The following RTN4IP1 variants were observed in gnomAD, a reference collection of about 807,000 sequenced individuals.
RTN4IP1 encodes NAD(P)H oxidoreductase RTN4IP1, mitochondrial.
Under a neutral mutation model 46.6 loss-of-function variants are expected in RTN4IP1, and 32 were observed. That is an observed-to-expected ratio of 0.69 (90% CI 0.52 to 0.92). The LOEUF is 0.92. Among genes scored for constraint, RTN4IP1 ranks in the 40% least tolerant of loss-of-function variants. RTN4IP1 has a pLI of 0.00. For missense variants in RTN4IP1, 424 were observed against 485.8 expected, an observed-to-expected ratio of 0.87 and a Z score of 1.20; for synonymous variants, 167 against 161.8, an observed-to-expected ratio of 1.03 and a Z score of -0.24.
intron 4 of RTN4IP1, among the ~76,000 whole-genome samples, chr6:106,617,587 C>A (rs1448175649): frequency 6.6e-6 from 1 of 152,098 alleles, no homozygotes; most frequent in African/African-American, 2.4e-5. Context: ...CAGTTCCAGG[C>A]CATTGTTGCT....
chr6:106,577,674 A>T (rs1775262864), intron 8 of RTN4IP1, among the ~76,000 whole-genome samples: 1 of 152,122 alleles, frequency 6.6e-6, no homozygotes, highest in Non-Finnish European at 1.5e-5. Flanking sequence ...TGCTGGTGTG[A>T]TTAAGTTAAG....
intron 4 of RTN4IP1, among the ~76,000 whole-genome samples, chr6:106,609,253 T>C (rs2114664547): frequency 6.6e-6 from 1 of 152,342 alleles, no homozygotes; most frequent in East Asian, 1.9e-4. Context: ...TCAAAGTTTC[T>C]TGACTTTCAA....
At chr6:106,620,438 G>A (rs550038267) in intron 3 of RTN4IP1, among the ~76,000 whole-genome samples, 1 of 152,102 alleles carries the variant, frequency 6.6e-6, no homozygotes, top group Admixed American at 6.5e-5. Context: ...AAGGCTTCTG[G>A]GCAACAGTAG....
chr6:106,590,643 AG>A lies in RTN4IP1; in HGVS notation c.806+1520del, dbSNP rs1427548872. 2.0e-4 allele frequency among the ~76,000 whole-genome samples: 29 copies of A among 145,476 alleles called. 1 individual carries two copies. The highest frequency in any genetic ancestry group is 4.5e-5 in the Non-Finnish European group (3 of 66,834). The stretch of plus-strand genomic sequence containing the variant: ...GGCAGGAAAATCACTTGAAACCGGA[AG>A]GCAGAGGTTGCAGTGAGCCAAGATC... On this transcript the variant is annotated intron_variant, in intron 6 of 8. Transcript: ENST00000369063.
chr6:106,609,605 C>T (rs937877596), intron 4 of RTN4IP1, among the ~76,000 whole-genome samples: 1 of 152,248 alleles, frequency 6.6e-6, no homozygotes, highest in East Asian at 1.9e-4. Context: ...GTGAGGGGAT[C>T]GCCTGGCTAC....
intron 1 of RTN4IP1, 48 bp from the exon 2 acceptor site, chr6:106,623,017 C>T: frequency 1.9e-6 from 3 of 1,575,936 alleles, no homozygotes; most frequent in Middle Eastern, 1.7e-4. Flanking sequence ...GTATGAAATG[C>T]TTTTAAAACT....
At chr6:106,604,475 C>G (rs907897848) in intron 4 of RTN4IP1, among the ~76,000 whole-genome samples, 7 of 152,136 alleles carry the variant, frequency 4.6e-5, no homozygotes, top group Non-Finnish European at 2.9e-5. Flanking sequence ...GAACGAAGGT[C>G]TCTCTGACCT....
At chr6:106,604,716 T>C (rs973380978) in intron 4 of RTN4IP1, among the ~76,000 whole-genome samples, 4 of 152,152 alleles carry the variant, frequency 2.6e-5, no homozygotes, top group African/African-American at 7.2e-5. Context: ...TTTGGGCCCA[T>C]TCATCTCCCC....
chr6:106,605,629 T>C (rs1377579438), intron 4 of RTN4IP1, among the ~76,000 whole-genome samples: 1 of 151,382 alleles, frequency 6.6e-6, no homozygotes, highest in East Asian at 2.0e-4. Context: ...CTGGCTAACA[T>C]GGTGAAATCC....
intron 8 of RTN4IP1, among the ~76,000 whole-genome samples, chr6:106,575,834 T>A (rs1236547018): frequency 6.6e-6 from 1 of 152,162 alleles, no homozygotes; most frequent in African/African-American, 2.4e-5. Flanking sequence ...ATGGAATGGA[T>A]GTAATCTGGG....
intron 4 of RTN4IP1, among the ~76,000 whole-genome samples, chr6:106,610,529 G>A (rs143844941): frequency 6.6e-6 from 1 of 152,158 alleles, no homozygotes; most frequent in Non-Finnish European, 1.5e-5. Flanking sequence ...GTCCTACACA[G>A]TGGGAATACT....
Position 106,629,329 on chromosome 6 carries a change from G to A in RTN4IP1, c.-308C>T, listed in dbSNP as rs1031252559. The A allele has an allele frequency of 1.9e-6, 1 of 533,312 alleles. No individual in the cohort carries two copies. Among genetic ancestry groups the A allele is most frequent in the Non-Finnish European group, 3.3e-6 (1 of 301,758 alleles). The allele number at this position is 533,312 out of a possible 1,614,324, so 33.0% of individuals were successfully genotyped here. ...AGGGGGGGCGGGGCATTAAAAAGCA[G>A]GTGCGCAAACCCCCTAGATCCCTGC... is the stretch of plus-strand genomic sequence containing the variant. On this transcript the variant is annotated 5_prime_UTR_variant, in exon 1 of 9. Transcript: ENST00000369063.
At chr6:106,628,344 G>A (rs1326247365) in intron 1 of RTN4IP1, among the ~76,000 whole-genome samples, 1 of 151,894 alleles carries the variant, frequency 6.6e-6, no homozygotes, top group Non-Finnish European at 1.5e-5. Flanking sequence ...GCATGCGCCT[G>A]TAATCCCAGC....
chr6:106,628,057 ACT>A (rs1293285081), intron 1 of RTN4IP1, among the ~76,000 whole-genome samples: 1 of 149,042 alleles, frequency 6.7e-6, no homozygotes, highest in Non-Finnish European at 1.5e-5. Flanking sequence ...ATAGAGTGAG[ACT>A]CTGTCTCAAA....
At chr6:106,625,398 G>C (rs1055885016) in intron 1 of RTN4IP1, among the ~76,000 whole-genome samples, 1 of 152,056 alleles carries the variant, frequency 6.6e-6, no homozygotes, top group Admixed American at 6.6e-5. Context: ...CGGGAGACAG[G>C]TTTTCAAATA....
chr6:106,580,314 A>T (rs1467286301), intron 8 of RTN4IP1, among the ~76,000 whole-genome samples: 1 of 151,988 alleles, frequency 6.6e-6, no homozygotes, highest in Non-Finnish European at 1.5e-5. Flanking sequence ...AAAATGGTTC[A>T]GAGGGTAAGA....
At chr6:106,587,654 CACCA>C (rs1349373307) in intron 7 of RTN4IP1, 21 bp downstream of exon 7, 5 of 1,586,686 alleles carry the variant, frequency 3.2e-6, no homozygotes, top group Non-Finnish European at 4.3e-6. Flanking sequence ...TGCCTGCAGT[CACCA>C]ACCAAGACCC....
intron 8 of RTN4IP1, among the ~76,000 whole-genome samples, chr6:106,578,860 A>T (rs2114622514): frequency 6.6e-6 from 1 of 152,088 alleles, no homozygotes; most frequent in South Asian, 2.1e-4. Flanking sequence ...AGGCCTAAAT[A>T]GTGAATGTCT....
intron 4 of RTN4IP1, among the ~76,000 whole-genome samples, chr6:106,608,778 T>G (rs1233197227): frequency 6.6e-6 from 1 of 152,028 alleles, no homozygotes; most frequent in Admixed American, 6.6e-5. Context: ...TCTTCCTAAA[T>G]GAGGGAAAAA....
Sources: gnomAD v4.1 joint callset for allele counts (sites outside exome capture counted in the v4.1 genomes callset) on GRCh38, gnomAD v4.1.1 for gene constraint, MANE v1.5 for transcripts, NCBI Gene and HGNC (gene_info 2026-07-23, HGNC 2026-07-21) for gene names.